ANKRD55: variants seen among roughly 807,000 people sequenced by gnomAD.
The protein encoded by ANKRD55 is ankyrin repeat domain-containing protein 55.
In ANKRD55, 41 loss-of-function variants were observed where a neutral mutation model predicts 60.6. The ratio of observed to expected loss-of-function variants is 0.68; its 90% CI spans 0.53 to 0.88. The LOEUF (loss-of-function observed/expected upper bound fraction) is 0.88, where lower values mean the gene tolerates loss of function less well. Among genes scored for constraint, ANKRD55 ranks in the 40% least tolerant of loss-of-function variants. ANKRD55 has a pLI of 0.00. For synonymous variants in ANKRD55, 264 were observed against 290.3 expected, an observed-to-expected ratio of 0.91 and a Z score of 0.92; for missense variants, 732 against 767.6, an observed-to-expected ratio of 0.95 and a Z score of 0.55.
chr5:56,179,397 T>A (rs116015320), intron 3 of ANKRD55, among the ~76,000 whole-genome samples: 4,857 of 152,148 alleles, frequency 0.032, 276 homozygotes, highest in African/African-American at 0.11. Flanking sequence ...AGCTTCAGAA[T>A]AGCGGTTAGT....
At chr5:56,192,710 GGACA>G (rs1224461168) in intron 2 of ANKRD55, 19 of 1,372,656 alleles carry the variant, frequency 1.4e-5, no homozygotes, top group Non-Finnish European at 2.0e-5. Context: ...AGATGATAAT[GGACA>G]GAATCATCTA....
chr5:56,168,964 C>T (rs1053156004), intron 5 of ANKRD55, among the ~76,000 whole-genome samples: 2 of 152,256 alleles, frequency 1.3e-5, no homozygotes, highest in African/African-American at 2.4e-5. Context: ...TCAAGTGATT[C>T]TCCTGCTTCA....
At chr5:56,231,975 C>G (rs756098369) in intron 2 of ANKRD55, among the ~76,000 whole-genome samples, 1 of 151,784 alleles carries the variant, frequency 6.6e-6, no homozygotes, top group African/African-American at 2.4e-5. Context: ...GATAAAATCA[C>G]CAAAGGAACT....
intron 9 of ANKRD55, among the ~76,000 whole-genome samples, chr5:56,113,986 CTATATATATATA>C (rs3055156): frequency 0.25 from 34,238 of 139,122 alleles, 4,726 homozygotes; most frequent in African/African-American, 0.37. Context: ...AATATGTATA[CTATATATATATA>C]TATATATATA....
chr5:56,171,420 C>A (rs770308169), intron 4 of ANKRD55, among the ~76,000 whole-genome samples: 2 of 152,184 alleles, frequency 1.3e-5, no homozygotes, highest in African/African-American at 4.8e-5. Context: ...TAGATTGAGA[C>A]CTGATATGGC....
intron 7 of ANKRD55, among the ~76,000 whole-genome samples, chr5:56,134,580 C>CAA (rs56053693): frequency 1.8e-5 from 2 of 109,560 alleles, no homozygotes; most frequent in African/African-American, 6.6e-5. Flanking sequence ...GACTCTGTCT[C>CAA]AAAAAAAAAA....
chr5:56,105,970 T>G (rs1406878050), intron 10 of ANKRD55, among the ~76,000 whole-genome samples: 3 of 152,216 alleles, frequency 2.0e-5, no homozygotes, highest in South Asian at 2.1e-4. Flanking sequence ...GAAAGCTGCC[T>G]GCAATGAATT....
In ANKRD55 at chr5:56,111,356, A is replaced by G. The variant is rs367985080; in HGVS notation, c.1392T>C (p.His464=). 2.1e-5 allele frequency: 34 copies of G among 1,614,112 alleles called. No individual in the cohort carries two copies. The highest frequency in any genetic ancestry group is 2.6e-5 in the Non-Finnish European group (31 of 1,180,032). The change falls in exon 10 of 12, where the codon CAT becomes CAC. Residue 464 remains histidine, a synonymous_variant. Transcript: ENST00000341048. ...TTTTCTGAGATCGCTGGGCCATATG[A>G]TGAGGAGCAGAGCTCAGGCCTGCAT... is the stretch of plus-strand genomic sequence containing the variant. ...TSHAGLSSAP[H]HMAQRSQKSR...
chr5:56,229,768 G>T (rs1760204493), intron 2 of ANKRD55, among the ~76,000 whole-genome samples: 1 of 152,242 alleles, frequency 6.6e-6, no homozygotes, highest in East Asian at 1.9e-4. Flanking sequence ...CCATGAGCCA[G>T]AGTCAGTGCT....
intron 2 of ANKRD55, among the ~76,000 whole-genome samples, chr5:56,227,485 A>ACTTTT (rs1352276333): frequency 6.6e-6 from 1 of 152,214 alleles, no homozygotes; most frequent in Non-Finnish European, 1.5e-5. Context: ...CTTAAAGTAT[A>ACTTTT]AAAGAAAACA....
chr5:56,125,998 G>A (rs1400037286), intron 8 of ANKRD55, among the ~76,000 whole-genome samples: 2 of 152,106 alleles, frequency 1.3e-5, no homozygotes, highest in Non-Finnish European at 2.9e-5. Context: ...GCTGGGCATG[G>A]TGGCAGGAGC....
At chr5:56,168,498 T>C (rs1351232274) in intron 5 of ANKRD55, among the ~76,000 whole-genome samples, 2 of 152,200 alleles carry the variant, frequency 1.3e-5, no homozygotes, top group Non-Finnish European at 2.9e-5. Context: ...AGTGCAAGAG[T>C]AGTGATACTG....
At chr5:56,128,736 T>G (rs1316760334) in intron 7 of ANKRD55, among the ~76,000 whole-genome samples, 3 of 152,210 alleles carry the variant, frequency 2.0e-5, no homozygotes, top group Non-Finnish European at 4.4e-5. Flanking sequence ...GGTACTATTA[T>G]TGTCCTCATA....
chr5:56,171,202 A>G (rs1758605831), intron 4 of ANKRD55, among the ~76,000 whole-genome samples: 1 of 152,186 alleles, frequency 6.6e-6, no homozygotes, highest in Non-Finnish European at 1.5e-5. Flanking sequence ...TCCCCCTCCC[A>G]GTGCCTAGCA....
chr5:56,226,815 AATC>A lies in ANKRD55; in HGVS notation c.58+6038_58+6040del, dbSNP rs543834616. 9.3e-4 allele frequency among the ~76,000 whole-genome samples: 142 copies of A among 152,316 alleles called. 3 individuals are homozygous for A. In the Middle Eastern group the frequency reaches 0.027, roughly 29 times the overall value. ...ACCATCTCACACCAGTTAGAATGGCAATCATTAACAAGTCAGGAAACAACAGGT... is the reference window on the plus strand; with the variant it reads ...ACCATCTCACACCAGTTAGAATGGCAATTAACAAGTCAGGAAACAACAGGT... On this transcript the variant is annotated intron_variant, in intron 2 of 11. Coordinates refer to ENST00000341048, the MANE Select transcript of ANKRD55 (RefSeq NM_024669.3).
chr5:56,172,121 G>GA (rs11362837), intron 4 of ANKRD55, among the ~76,000 whole-genome samples: 239 of 86,986 alleles, frequency 2.7e-3, no homozygotes, highest in Non-Finnish European at 3.2e-3. Context: ...TCTGTCTCAA[G>GA]AAAAAAAAAA....
intron 7 of ANKRD55, chr5:56,127,565 G>A (rs1251422134): frequency 2.0e-6 from 2 of 985,338 alleles, no homozygotes; most frequent in Non-Finnish European, 2.4e-6. Flanking sequence ...TGGTGGCGCA[G>A]TGATGCACTT....
intron 6 of ANKRD55, among the ~76,000 whole-genome samples, chr5:56,157,263 C>T (rs147816435): frequency 6.6e-6 from 1 of 152,214 alleles, no homozygotes; most frequent in African/African-American, 2.4e-5. Flanking sequence ...ACTCCCTAAT[C>T]TCAAGTACCC....
chr5:56,164,577 G>A (rs1758407004), intron 5 of ANKRD55, among the ~76,000 whole-genome samples: 1 of 152,224 alleles, frequency 6.6e-6, no homozygotes, highest in Non-Finnish European at 1.5e-5. Context: ...AAGACCTTCA[G>A]AGAGCCCCGT....
Sources: allele counts gnomAD v4.1 joint callset (sites outside exome capture counted in the v4.1 genomes callset), GRCh38; gene constraint gnomAD v4.1.1; transcripts MANE v1.5; gene names NCBI Gene and HGNC (gene_info 2026-07-23, HGNC 2026-07-21).